Variants in BAZ2B observed in about 807,000 individuals in gnomAD.
BAZ2B encodes bromodomain adjacent to zinc finger domain protein 2B.
In BAZ2B, 91 loss-of-function variants were observed where a neutral mutation model predicts 246.0. The observed-to-expected ratio is 0.37, with a 90% CI of 0.31 to 0.44. The LOEUF (loss-of-function observed/expected upper bound fraction) is 0.44, where lower values mean the gene tolerates loss of function less well. Among genes scored for constraint, BAZ2B ranks in the 20% least tolerant of loss-of-function variants. The pLI is 1.00. For synonymous variants in BAZ2B, 855 were observed against 860.0 expected (o/e 0.99, Z 0.10); for missense variants, 2,332 against 2,533.7 (o/e 0.92, Z 1.71).
upstream of BAZ2B, chr2:159,616,857 T>C (rs1696156213): frequency 6.6e-6 from 1 of 152,020 alleles, no homozygotes; most frequent in African/African-American, 2.4e-5. Context: ...AGCTACAGAG[T>C]AGGGAGCATA....
At chr2:159,440,541 C>G in intron 6 of BAZ2B, among the ~76,000 whole-genome samples, 1 of 137,756 alleles carries the variant, frequency 7.3e-6, no homozygotes, top group African/African-American at 2.7e-5. Flanking sequence ...TTTTCGGGGA[C>G]AGTCTCGCTC....
rs752280419 is a variant in BAZ2B, at chr2:159,320,237, G to A, written c.*28C>T. 1 of 1,497,870 alleles carries A rather than the reference G, an allele frequency of 6.7e-7. No homozygotes were observed. Among genetic ancestry groups the A allele is most frequent in the Non-Finnish European group, 8.8e-7 (1 of 1,133,038 alleles). 92.8% of individuals were successfully genotyped at this position (1,497,870 alleles called of 1,614,324 possible). Reference sequence around the variant, plus strand: ...TGGTCTCATTTGTCCTTGTTTAGAAGGAAAAAAATAAAGAGATTATTATAA... The same window carrying A: ...TGGTCTCATTTGTCCTTGTTTAGAAAGAAAAAAATAAAGAGATTATTATAA... On this transcript the variant is annotated 3_prime_UTR_variant, in exon 37 of 37. Transcript: ENST00000392783.
At chr2:159,606,065 A>T (rs4664289) in intron 1 of BAZ2B, among the ~76,000 whole-genome samples, 140,587 of 152,250 alleles carry the variant, frequency 0.92, 65,407 homozygotes, top group East Asian at 1. Flanking sequence ...AGAGTTATTT[A>T]CCCAACAAGC....
At chr2:159,325,110 ATATATTT>A (rs1172913757) in intron 35 of BAZ2B, among the ~76,000 whole-genome samples, 156 bp from the exon 36 acceptor site, 2,224 of 5,508 alleles carry the variant, frequency 0.4, 485 homozygotes, top group Non-Finnish European at 0.44. Flanking sequence ...ATATATATAT[ATATATTT>A]TATATATATA....
chr2:159,676,355 A>G, the BAZ2B span, among the ~76,000 whole-genome samples: 10,085 of 152,184 alleles, frequency 0.066, 433 homozygotes, highest in Middle Eastern at 0.19. Context: ...TCTGAATAAG[A>G]TATCTTGTAA....
At chr2:159,651,246 A>G in the BAZ2B span, among the ~76,000 whole-genome samples, 4 of 152,188 alleles carry the variant, frequency 2.6e-5, no homozygotes, top group Admixed American at 2.0e-4. Context: ...AAAAACAAGT[A>G]ATGAGATGGC....
At chr2:159,452,146 T>G (rs1286432334) in intron 4 of BAZ2B, among the ~76,000 whole-genome samples, 1 of 152,186 alleles carries the variant, frequency 6.6e-6, no homozygotes, top group Non-Finnish European at 1.5e-5. Context: ...TTAGCATCCC[T>G]GCTTCCCAGA....
At chr2:159,570,678 T>C (rs1410462819) in intron 1 of BAZ2B, among the ~76,000 whole-genome samples, 1 of 152,148 alleles carries the variant, frequency 6.6e-6, no homozygotes, top group Non-Finnish European at 1.5e-5. Context: ...TTTCCACTTG[T>C]CAAGCAAAAA....
chr2:159,433,402 CACAAA>C (rs2071510226), intron 8 of BAZ2B, 39 bp from the exon 9 acceptor site: 32 of 1,542,170 alleles, frequency 2.1e-5, no homozygotes, highest in Non-Finnish European at 2.7e-5. Flanking sequence ...CAAAATGTAC[CACAAA>C]ACAAAGATTG....
chr2:159,445,991 G>A (rs1212540563), intron 6 of BAZ2B, among the ~76,000 whole-genome samples: 2 of 152,130 alleles, frequency 1.3e-5, no homozygotes, highest in African/African-American at 4.8e-5. Flanking sequence ...GCATGCACCT[G>A]TAGTCCCAGC....
chr2:159,328,590 G>A (rs4273182), intron 34 of BAZ2B, among the ~76,000 whole-genome samples: 42,388 of 151,984 alleles, frequency 0.28, 6,647 homozygotes, highest in East Asian at 0.6. Flanking sequence ...ATTGGGTGGA[G>A]TTGAGCTTTG....
chr2:159,572,206 T>C (rs1684195856), intron 1 of BAZ2B, among the ~76,000 whole-genome samples: 1 of 152,222 alleles, frequency 6.6e-6, no homozygotes, highest in Non-Finnish European at 1.5e-5. Flanking sequence ...CCTTACCAAC[T>C]GGATGCTCAT....
At chr2:159,345,056 A>C (rs900110464) in intron 31 of BAZ2B, among the ~76,000 whole-genome samples, 5 of 151,972 alleles carry the variant, frequency 3.3e-5, no homozygotes, top group African/African-American at 9.7e-5. Flanking sequence ...CTAAAAATAC[A>C]GAAATTAGCT....
intron 3 of BAZ2B, 31 bp downstream of exon 3, chr2:159,478,544 T>C (rs745591069): frequency 1.3e-6 from 2 of 1,565,948 alleles, no homozygotes; most frequent in Non-Finnish European, 1.7e-6. Flanking sequence ...AAGAATGGCA[T>C]TCTAAAATTG....
At chr2:159,653,142 T>A in the BAZ2B span, among the ~76,000 whole-genome samples, 3 of 152,192 alleles carry the variant, frequency 2.0e-5, no homozygotes, top group East Asian at 5.8e-4. Context: ...GGTTTCACCA[T>A]GTTGGCCAGG....
chr2:159,333,928 T>C (rs1218711547), intron 33 of BAZ2B, among the ~76,000 whole-genome samples: 1 of 152,152 alleles, frequency 6.6e-6, no homozygotes, highest in Non-Finnish European at 1.5e-5. Context: ...AACATTCCAA[T>C]AATCAGTATC....
At chr2:159,708,554 T>C in the BAZ2B span, among the ~76,000 whole-genome samples, 1 of 30,206 alleles carries the variant, frequency 3.3e-5, no homozygotes, top group Admixed American at 2.1e-4. Context: ...CTTTTATTTA[T>C]TTATTTATTT....
Position 159,350,299 on chromosome 2 carries a change from G to A in BAZ2B, c.4272C>T (p.Ile1424=). The A allele has an allele frequency of 6.2e-7, 1 of 1,601,816 alleles. No individual in the cohort carries two copies. The highest frequency in any genetic ancestry group is 8.5e-7 in the Non-Finnish European group (1 of 1,174,604). ...CAGAAGTCTCAAACATTTCTTCTTTGATCTGGACACTTTCTGCCTTTTTCA... is the reference window on the plus strand; with the variant it reads ...CAGAAGTCTCAAACATTTCTTCTTTAATCTGGACACTTTCTGCCTTTTTCA... The part of the protein sequence containing the change: ...EKLKKAESVQ[I]KEEMFETSGD... The change falls in exon 28 of 37, where the codon ATC becomes ATT. Residue 1424 remains isoleucine, a synonymous_variant. Transcript: ENST00000392783.
chr2:159,653,127 G>T, the BAZ2B span, among the ~76,000 whole-genome samples: 1 of 151,824 alleles, frequency 6.6e-6, no homozygotes, highest in Non-Finnish European at 1.5e-5. Context: ...TTTTGGTAGA[G>T]ACAGGGTTTC....
Sources: allele counts gnomAD v4.1 joint callset (sites outside exome capture counted in the v4.1 genomes callset), GRCh38; gene constraint gnomAD v4.1.1; transcripts MANE v1.5; gene names NCBI Gene and HGNC (gene_info 2026-07-23, HGNC 2026-07-21).